HMCN1: variants seen among roughly 807,000 people sequenced by gnomAD.
HMCN1 encodes the protein hemicentin 1, also known as hemicentin-1.
A neutral mutation model predicts 625.9 loss-of-function variants in HMCN1; 321 were observed. That is an observed-to-expected ratio of 0.51 (90% CI 0.47 to 0.56). The LOEUF (loss-of-function observed/expected upper bound fraction) is 0.56. Ranked by LOEUF, HMCN1 falls within the 20% of genes least tolerant of loss-of-function variation. The pLI, the probability that HMCN1 is intolerant of heterozygous loss-of-function variation, is 0.00. For synonymous variants in HMCN1, 2,425 were observed against 2,417.6 expected (o/e 1.00, Z -0.09); for missense variants, 6,588 against 6,887.3 (o/e 0.96, Z 1.54).
intron 93 of HMCN1, among the ~76,000 whole-genome samples, chr1:186,146,451 A>C (rs1035740193): frequency 6.6e-6 from 1 of 152,184 alleles, no homozygotes; most frequent in East Asian, 1.9e-4. Flanking sequence ...GGATTCCAAG[A>C]AATGGTAGCT....
intron 1 of HMCN1, among the ~76,000 whole-genome samples, chr1:185,753,151 T>A (rs1654925201): frequency 6.6e-6 from 1 of 152,124 alleles, no homozygotes; most frequent in African/African-American, 2.4e-5. Flanking sequence ...AAGCAACTCT[T>A]ACCCAACTAG....
At chr1:185,928,159 T>C (rs1379004691) in intron 9 of HMCN1, among the ~76,000 whole-genome samples, 1 of 152,174 alleles carries the variant, frequency 6.6e-6, no homozygotes, top group Non-Finnish European at 1.5e-5. Context: ...CAAATTTGTA[T>C]ATTGCCTAAT....
intron 85 of HMCN1, among the ~76,000 whole-genome samples, chr1:186,131,263 A>C (rs1179965993): frequency 6.6e-6 from 1 of 152,168 alleles, no homozygotes; most frequent in Non-Finnish European, 1.5e-5. Context: ...TACCCAATCC[A>C]GTGGACCAGT....
intron 4 of HMCN1, among the ~76,000 whole-genome samples, chr1:185,873,250 C>T (rs1663734921): frequency 6.6e-6 from 1 of 152,094 alleles, no homozygotes; most frequent in Non-Finnish European, 1.5e-5. Flanking sequence ...TTGTAAAAAT[C>T]TTAACTACCA....
chr1:185,844,906 A>G (rs932052442), intron 1 of HMCN1, among the ~76,000 whole-genome samples: 3 of 152,358 alleles, frequency 2.0e-5, no homozygotes, highest in Admixed American at 6.5e-5. Context: ...AAATACAAAT[A>G]TATATGTATA....
chr1:185,803,927 G>C (rs905606038), intron 1 of HMCN1, among the ~76,000 whole-genome samples: 5 of 152,010 alleles, frequency 3.3e-5, no homozygotes, highest in African/African-American at 1.2e-4. Flanking sequence ...GCTGTCTTCA[G>C]AATACATCTT....
intron 82 of HMCN1, among the ~76,000 whole-genome samples, chr1:186,126,875 C>T (rs1029862254): frequency 1.5e-4 from 23 of 151,988 alleles, no homozygotes; most frequent in African/African-American, 5.6e-4. Flanking sequence ...TAAAGGGTTA[C>T]GTTGGCTGTT....
At chr1:185,907,619 T>C (rs914713612) in intron 4 of HMCN1, among the ~76,000 whole-genome samples, 53 of 151,996 alleles carry the variant, frequency 3.5e-4, no homozygotes, top group African/African-American at 1.2e-3. Flanking sequence ...AATTTGCCTC[T>C]TTTTTTATTT....
intron 1 of HMCN1, among the ~76,000 whole-genome samples, chr1:185,740,196 A>G (rs1472134976): frequency 6.6e-6 from 1 of 152,192 alleles, no homozygotes; most frequent in East Asian, 1.9e-4. Flanking sequence ...TTCTGAACAT[A>G]GAAGTGACGT....
intron 1 of HMCN1, among the ~76,000 whole-genome samples, chr1:185,748,030 TA>T (rs1238018056): frequency 5.2e-5 from 7 of 135,914 alleles, no homozygotes; most frequent in East Asian, 4.2e-4. Flanking sequence ...AAAGGGTACT[TA>T]AAATTTTTTT....
At chr1:185,871,234 A>G (rs1350076730) in intron 4 of HMCN1, among the ~76,000 whole-genome samples, 2 of 151,766 alleles carry the variant, frequency 1.3e-5, no homozygotes, top group Admixed American at 6.6e-5. Flanking sequence ...GTCTCAAAAA[A>G]AAAAAAAAAA....
chr1:185,771,991 G>A (rs1011339584), intron 1 of HMCN1, among the ~76,000 whole-genome samples: 6 of 152,290 alleles, frequency 3.9e-5, no homozygotes, highest in Admixed American at 3.9e-4. Context: ...TGAGAAGTTT[G>A]GAGGACCCAA....
At chr1:186,126,298 A>T (rs554698503) in intron 82 of HMCN1, among the ~76,000 whole-genome samples, 5 of 152,152 alleles carry the variant, frequency 3.3e-5, no homozygotes, top group Non-Finnish European at 7.3e-5. Context: ...TATTCAACAA[A>T]TATTTATTGA....
At position 186,137,877 on chromosome 1, in the gene HMCN1, C is replaced by T; in HGVS notation, c.13829C>T (p.Thr4610Ile). The T allele has an allele frequency of 1.9e-6, 3 of 1,614,024 alleles. No individual in the cohort carries two copies. Among genetic ancestry groups the T allele is most frequent in the Non-Finnish European group, 2.5e-6 (3 of 1,179,962 alleles). ...RSCGRGNQTR[T>I]RTCNNPSVQH... ...TGTGGACGCGGCAACCAAACCAGGA[C>T]CAGGACTTGCAATAATCCATCAGTT... Residue 4610 changes from threonine (T) to isoleucine (I), a missense_variant, in exon 89 of 107, where the codon ACC (threonine) becomes ATC (isoleucine). Physicochemically the swap from Thr to Ile is moderately conservative, Grantham distance 89. Transcript: ENST00000271588.
At chr1:185,908,564 C>A (rs1488049292) in intron 4 of HMCN1, among the ~76,000 whole-genome samples, 1 of 151,924 alleles carries the variant, frequency 6.6e-6, no homozygotes, top group African/African-American at 2.4e-5. Context: ...TTTGTTAGTG[C>A]AGAAACTTTC....
chr1:185,964,177 T>C (rs1392613042), intron 13 of HMCN1, among the ~76,000 whole-genome samples: 3 of 152,130 alleles, frequency 2.0e-5, no homozygotes, highest in Non-Finnish European at 4.4e-5. Context: ...ATCTGTTCTC[T>C]GCAATATTTT....
chr1:186,179,350 G>A (rs1480618528), intron 104 of HMCN1, among the ~76,000 whole-genome samples: 1 of 152,180 alleles, frequency 6.6e-6, no homozygotes, highest in African/African-American at 2.4e-5. Flanking sequence ...TGTGCTTGCA[G>A]TATCTTTATC....
At chr1:185,920,521 A>G (rs1021933111) in intron 6 of HMCN1, among the ~76,000 whole-genome samples, 2 of 152,126 alleles carry the variant, frequency 1.3e-5, no homozygotes, top group African/African-American at 4.8e-5. Flanking sequence ...TATTTTGCAT[A>G]CTTTATTACT....
chr1:185,765,477 G>A (rs1205729085), intron 1 of HMCN1, among the ~76,000 whole-genome samples: 1 of 151,722 alleles, frequency 6.6e-6, no homozygotes, highest in Non-Finnish European at 1.5e-5. Context: ...CTAAGTACTG[G>A]GTACTATTTG....
Sources: gnomAD v4.1 joint callset for allele counts (sites outside exome capture counted in the v4.1 genomes callset) on GRCh38, gnomAD v4.1.1 for gene constraint, MANE v1.5 for transcripts, NCBI Gene and HGNC (gene_info 2026-07-23, HGNC 2026-07-21) for gene names.